Variants in CUL3 observed in about 807,000 individuals in gnomAD.
CUL3 encodes the protein cullin-3.
In CUL3, 19 loss-of-function variants were observed where a neutral mutation model predicts 89.1. The ratio of observed to expected loss-of-function variants is 0.21; its 90% CI spans 0.15 to 0.31. The LOEUF is 0.31. Ranked by LOEUF, CUL3 falls within the 10% of genes least tolerant of loss-of-function variation. The pLI is 1.00. For missense variants in CUL3, 469 were observed against 942.3 expected, an observed-to-expected ratio of 0.50 and a Z score of 6.58; for synonymous variants, 351 against 308.4, an observed-to-expected ratio of 1.14 and a Z score of -1.45.
chr2:224,549,052 C>T (rs755002957), intron 2 of CUL3, among the ~76,000 whole-genome samples: 36 of 152,138 alleles, frequency 2.4e-4, no homozygotes, highest in Non-Finnish European at 4.7e-4. Flanking sequence ...CTGTGGCTCA[C>T]GCCTGTAATC....
chr2:224,521,035 T>TA (rs1313856736), intron 3 of CUL3, among the ~76,000 whole-genome samples: 2 of 151,958 alleles, frequency 1.3e-5, no homozygotes, highest in East Asian at 1.9e-4. Flanking sequence ...ACAAATCAAA[T>TA]AAAAAGTTAA....
intron 13 of CUL3, among the ~76,000 whole-genome samples, chr2:224,491,146 C>T (rs1050393144): frequency 6.6e-6 from 1 of 152,134 alleles, no homozygotes; most frequent in African/African-American, 2.4e-5. Context: ...ATGGAATCAG[C>T]TTGTCGAGTT....
chr2:224,520,064 GA>G (rs1186196133), intron 3 of CUL3, among the ~76,000 whole-genome samples: 3 of 152,180 alleles, frequency 2.0e-5, no homozygotes, highest in Non-Finnish European at 4.4e-5. Flanking sequence ...AGCAGAGATA[GA>G]AAGTTGGTGG....
rs948960113 is a variant in CUL3, at chr2:224,471,609, T to C, written c.*2636A>G. ...CAATGCTACACAGGTGACTCTAGCA[T>C]ACCTTTAGAAAGGCATGCATCTCTT... On this transcript the variant is annotated 3_prime_UTR_variant, in exon 16 of 16. Coordinates refer to ENST00000264414, the MANE Select transcript of CUL3 (RefSeq NM_003590.5). 8 of 207,186 alleles carry C rather than the reference T, an allele frequency of 3.9e-5. No individual in the cohort carries two copies. Among genetic ancestry groups the C allele is most frequent in the African/African-American group, 1.8e-4 (8 of 43,914 alleles). The allele number at this position is 207,186 out of a possible 1,614,324, so 12.8% of individuals were successfully genotyped here.
intron 1 of CUL3, among the ~76,000 whole-genome samples, chr2:224,573,067 C>A (rs1334085356): frequency 2.0e-5 from 3 of 152,042 alleles, no homozygotes; most frequent in Non-Finnish European, 4.4e-5. Flanking sequence ...TAGCATTCAT[C>A]AAAAAAGCAT....
intron 14 of CUL3, chr2:224,480,040 T>TTGC (rs1449345153): frequency 6.6e-6 from 1 of 152,228 alleles, no homozygotes; most frequent in Non-Finnish European, 1.5e-5. Flanking sequence ...GAAGGGGTTG[T>TTGC]TGTGCAAGTG....
chr2:224,502,126 T>TA (rs1443874809), intron 10 of CUL3, among the ~76,000 whole-genome samples: 1 of 152,208 alleles, frequency 6.6e-6, no homozygotes, highest in Non-Finnish European at 1.5e-5. Flanking sequence ...TAGAAATGAA[T>TA]GGTTATTCTA....
chr2:224,498,023 C>T (rs751962595), intron 11 of CUL3, among the ~76,000 whole-genome samples, 174 bp from the exon 12 acceptor site: 3 of 152,052 alleles, frequency 2.0e-5, no homozygotes, highest in Admixed American at 6.6e-5. Flanking sequence ...ATAGGCAAGA[C>T]CTTGAGAGAG....
At chr2:224,535,952 TG>T (rs1395439763) in intron 2 of CUL3, among the ~76,000 whole-genome samples, 1 of 152,174 alleles carries the variant, frequency 6.6e-6, no homozygotes, top group Non-Finnish European at 1.5e-5. Flanking sequence ...TACAAGGGCC[TG>T]TAAGACTGGC....
At chr2:224,571,479 C>A (rs1283100724) in intron 1 of CUL3, among the ~76,000 whole-genome samples, 1 of 152,034 alleles carries the variant, frequency 6.6e-6, no homozygotes, top group East Asian at 1.9e-4. Context: ...TTACACATAA[C>A]CCAAAGGGAA....
At chr2:224,567,719 AAC>A (rs1695079075) in intron 1 of CUL3, among the ~76,000 whole-genome samples, 1 of 151,238 alleles carries the variant, frequency 6.6e-6, no homozygotes, top group African/African-American at 2.4e-5. Context: ...CAGCCTGGGC[AAC>A]AGAGTGAGAC....
At chr2:224,508,935 C>G (rs13026571) in intron 6 of CUL3, among the ~76,000 whole-genome samples, 1 of 128,622 alleles carries the variant, frequency 7.8e-6, no homozygotes, top group African/African-American at 3.2e-5. Context: ...GCACTCCAGC[C>G]TGGGCGACAG....
intron 14 of CUL3, chr2:224,478,778 A>G (rs555048971): frequency 6.3e-6 from 1 of 159,312 alleles, no homozygotes; most frequent in African/African-American, 2.4e-5. Context: ...ATGTAGCTGT[A>G]ATCTCTAAGG....
rs2396093 is a variant in CUL3 at position 224,485,703 on chromosome 2, T to C, written c.1843-3625A>G. Among the ~76,000 whole-genome samples, 113,481 of 152,150 alleles carry C rather than the reference T, an allele frequency of 0.75. 43,009 individuals are homozygous for C. The highest frequency in any genetic ancestry group is 0.9 in the African/African-American group (37,220 of 41,542). Reference sequence around the variant, plus strand: ...CCAGCTTCAGCAGAATTAAATGTTCTTGCCTGCTGGCTCTGAAGAGAGCAG... The same window carrying C: ...CCAGCTTCAGCAGAATTAAATGTTCCTGCCTGCTGGCTCTGAAGAGAGCAG... On this transcript the variant is annotated intron_variant, in intron 13 of 15. Transcript: ENST00000264414. This position sits in a 1 kb window ranked among gnomAD's most constrained non-coding sequence, Gnocchi z 4.1.
At chr2:224,500,930 C>T (rs1206913632) in intron 10 of CUL3, among the ~76,000 whole-genome samples, 2 of 152,110 alleles carry the variant, frequency 1.3e-5, no homozygotes, top group African/African-American at 4.8e-5. Flanking sequence ...GGCAAAAAAA[C>T]AGATTTCCTT....
intron 11 of CUL3, 87 bp from the exon 12 acceptor site, chr2:224,497,936 TTGTGTGTGTG>T (rs113318501): frequency 3.3e-6 from 3 of 922,992 alleles, no homozygotes; most frequent in Non-Finnish European, 5.2e-6. Flanking sequence ...CCTTAAACAT[TTGTGTGTGTG>T]TGTGTGTGTG....
At chr2:224,487,376 TACATGCAAAGG>T (rs1452276248) in intron 13 of CUL3, among the ~76,000 whole-genome samples, 4 of 144,206 alleles carry the variant, frequency 2.8e-5, no homozygotes, top group Non-Finnish European at 4.5e-5. Flanking sequence ...AGACCCATCT[TACATGCAAAGG>T]CACACACAGG....
At chr2:224,539,286 A>C (rs1484364268) in intron 2 of CUL3, among the ~76,000 whole-genome samples, 3 of 152,232 alleles carry the variant, frequency 2.0e-5, no homozygotes, top group Non-Finnish European at 4.4e-5. Flanking sequence ...GAGAATGGCC[A>C]AAACATTGAC....
chr2:224,546,962 C>T (rs529071718), intron 2 of CUL3, among the ~76,000 whole-genome samples: 1 of 152,244 alleles, frequency 6.6e-6, no homozygotes, highest in East Asian at 1.9e-4. Flanking sequence ...CCATATCATA[C>T]CCATTAACAG....
Sources: gnomAD v4.1 joint callset for allele counts (sites outside exome capture counted in the v4.1 genomes callset) on GRCh38, gnomAD v4.1.1 for gene constraint, Gnocchi (gnomAD v3.1) non-coding constraint, MANE v1.5 for transcripts, NCBI Gene and HGNC (gene_info 2026-07-23, HGNC 2026-07-21) for gene names.